RIMKLA: variants seen among roughly 807,000 people sequenced by gnomAD.
The protein encoded by RIMKLA is ribosomal modification protein rimK like family member A.
A neutral mutation model predicts 32.7 loss-of-function variants in RIMKLA; 14 were observed. That is an observed-to-expected ratio of 0.43 (90% CI 0.28 to 0.67). The LOEUF is 0.67. Among genes scored for constraint, RIMKLA ranks in the 30% least tolerant of loss-of-function variants. The probability of loss-of-function intolerance (pLI) is 0.18; values close to 1 mark genes in which losing one functional copy is unlikely to be tolerated. For synonymous variants in RIMKLA, 176 were observed against 204.1 expected (o/e 0.86, Z 1.18); for missense variants, 410 against 519.0 (o/e 0.79, Z 2.04).
chr1:42,380,965 C>G lies in RIMKLA; in HGVS notation c.31C>G (p.Arg11Gly). The G allele has an allele frequency of 6.9e-7, 1 of 1,450,490 alleles. No homozygotes were observed. Among genetic ancestry groups the G allele is most frequent in the Admixed American group, 2.5e-5 (1 of 40,252 alleles). The allele number at this position is 1,450,490 out of a possible 1,614,324, so 89.9% of individuals were successfully genotyped here. A position where few individuals can be genotyped will look rare whatever the true frequency, so the allele number is the denominator to read the frequency against. Residue 11 changes from arginine (R) to glycine (G), a missense_variant, in exon 1 of 5, where the codon CGG (arginine) becomes GGG (glycine). Transcript: ENST00000431473. ...CTCCCAGCTCTGGTTCCTGACGGAC[C>G]GGCGCATCCGCGAGGACTACCCGCA... Reference protein sequence around the residue: MCSQLWFLTDRRIREDYPQVQ... With the variant: MCSQLWFLTDGRIREDYPQVQ...
chr1:42,410,122 G>T lies in RIMKLA; in HGVS notation c.620G>T (p.Gly207Val), dbSNP rs772552409. 6.2e-7 allele frequency: 1 copy of T among 1,614,170 alleles called. No individual in the cohort carries two copies. Among genetic ancestry groups the T allele is most frequent in the Non-Finnish European group, 8.5e-7 (1 of 1,180,024 alleles). ...GACATCCGGGTGGTGGTGGTAGGGG[G>T]CCAGGTCATAGGCTCTATGCTTCGC... ...GKDIRVVVVG[G>V]QVIGSMLRCS... Residue 207 changes from glycine (G) to valine (V), a missense_variant, in exon 4 of 5, where the codon GGC (glycine) becomes GTC (valine). By Grantham distance (109) the Gly-to-Val change is moderately radical. Coordinates refer to ENST00000431473, the MANE Select transcript of RIMKLA (RefSeq NM_173642.4).
chr1:42,412,762 G>C (rs1400159996), intron 4 of RIMKLA: 3 of 336,968 alleles, frequency 8.9e-6, no homozygotes, highest in East Asian at 2.0e-4. Context: ...TGATGCTCTT[G>C]AGAGCATCAG....
chr1:42,400,290 C>A (rs1043989375), intron 2 of RIMKLA, among the ~76,000 whole-genome samples: 1 of 152,076 alleles, frequency 6.6e-6, no homozygotes, highest in African/African-American at 2.4e-5. Flanking sequence ...GAGGGTTAAT[C>A]CTGAGACTAA....
chr1:42,408,481 G>A (rs550618654), intron 3 of RIMKLA, among the ~76,000 whole-genome samples: 11 of 152,234 alleles, frequency 7.2e-5, no homozygotes, highest in Admixed American at 3.9e-4. Flanking sequence ...GTTCAATGGC[G>A]CGATCTTGGC....
At chr1:42,403,959 C>T (rs1643122158) in intron 2 of RIMKLA, among the ~76,000 whole-genome samples, 1 of 152,228 alleles carries the variant, frequency 6.6e-6, no homozygotes, top group African/African-American at 2.4e-5. Flanking sequence ...CTGTCCTCCG[C>T]TCCCTGCCAC....
At chr1:42,389,320 C>T (rs967328644) in intron 1 of RIMKLA, among the ~76,000 whole-genome samples, 5 of 152,240 alleles carry the variant, frequency 3.3e-5, no homozygotes, top group Non-Finnish European at 7.4e-5. Flanking sequence ...AGCACCTTTA[C>T]ACACCTATCA....
At position 42,409,960 on chromosome 1, in the gene RIMKLA, C is replaced by T. The variant is rs568505909; in HGVS notation, c.482-24C>T. ...AGTCCAGAGGCTTCTCTAACCCCTTCTCTTGCTCTTTTTCTTCTTAAAGGA... is the reference window on the plus strand; with the variant it reads ...AGTCCAGAGGCTTCTCTAACCCCTTTTCTTGCTCTTTTTCTTCTTAAAGGA... On this transcript the variant is annotated intron_variant, in intron 3 of 4. Coordinates refer to ENST00000431473, the MANE Select transcript of RIMKLA (RefSeq NM_173642.4). 10 of 1,596,472 alleles carry T rather than the reference C, an allele frequency of 6.3e-6. No individual in the cohort carries two copies. In the East Asian group the frequency reaches 1.6e-4, roughly 25 times the overall value.
At position 42,381,032 on chromosome 1, in the gene RIMKLA, A is replaced by T; in HGVS notation, c.98A>T (p.Gln33Leu). The T allele has an allele frequency of 1.5e-6, 2 of 1,367,554 alleles. No individual in the cohort carries two copies. The highest frequency in any genetic ancestry group is 1.9e-6 in the Non-Finnish European group (2 of 1,059,914). 84.7% of individuals were successfully genotyped at this position (1,367,554 alleles called of 1,614,324 possible). ...LRALRQRCSE[Q>L]DVRFRAVLMD... ...GCCCTCCGGCAGCGCTGCTCCGAGC[A>T]GGACGTGCGCTTCCGGGCGGTGCTT... The change falls in exon 1 of 5, where the codon CAG becomes CTG. Residue 33 changes from glutamine (Q) to leucine (L), a missense_variant. By Grantham distance (113) the Gln-to-Leu change is moderately radical. Transcript: ENST00000431473.
At chr1:42,404,482 C>T (rs764762353) in intron 2 of RIMKLA, 29 bp from the exon 3 acceptor site, 37 of 1,528,024 alleles carry the variant, frequency 2.4e-5, no homozygotes, top group East Asian at 4.5e-5. Flanking sequence ...TCAGCCTTAC[C>T]TTCACTGACT....
At position 42,420,997 on chromosome 1, in the gene RIMKLA, T is replaced by C. The variant is rs1643290829; in HGVS notation, c.*6023T>C. The C allele has an allele frequency of 6.6e-6, 1 of 152,278 alleles. No homozygotes were observed. The highest frequency in any genetic ancestry group is 2.4e-5 in the African/African-American group (1 of 41,462). 9.4% of individuals were successfully genotyped at this position (152,278 alleles called of 1,614,324 possible). A position where few individuals can be genotyped will look rare whatever the true frequency, so the allele number is the denominator to read the frequency against. On this transcript the variant is annotated 3_prime_UTR_variant, in exon 5 of 5. Transcript: ENST00000431473. ...CACAAGCATCGCCTTCTTGTGATCATGGCTCAGTGCCAAGGGATAAAAGCT... is the reference window on the plus strand; with the variant it reads ...CACAAGCATCGCCTTCTTGTGATCACGGCTCAGTGCCAAGGGATAAAAGCT...
intron 1 of RIMKLA, among the ~76,000 whole-genome samples, chr1:42,388,502 G>A (rs1642969604): frequency 6.7e-6 from 1 of 149,352 alleles, no homozygotes; most frequent in Non-Finnish European, 1.5e-5. Context: ...ACTGTGCTTG[G>A]CCCACTGAAA....
intron 1 of RIMKLA, among the ~76,000 whole-genome samples, chr1:42,393,644 C>T (rs1230423420): frequency 2.0e-5 from 3 of 151,704 alleles, no homozygotes; most frequent in Non-Finnish European, 2.9e-5. Context: ...AACTGTTTTA[C>T]GAGAAAATGC....
chr1:42,411,725 G>A (rs1290778848), intron 4 of RIMKLA, among the ~76,000 whole-genome samples: 1 of 140,944 alleles, frequency 7.1e-6, no homozygotes, highest in Non-Finnish European at 1.6e-5. Flanking sequence ...CCAGGCTGGA[G>A]TGCAGTGGCA....
At chr1:42,399,344 T>C in intron 1 of RIMKLA, 60 bp from the exon 2 acceptor site, 1 of 1,269,220 alleles carries the variant, frequency 7.9e-7, no homozygotes, top group Non-Finnish European at 1.1e-6. Flanking sequence ...GTTGGAACCA[T>C]TTCTTCTGGT....
At chr1:42,412,517 G>A in intron 4 of RIMKLA, 1 of 438,242 alleles carries the variant, frequency 2.3e-6, no homozygotes, top group Non-Finnish European at 4.5e-6. Context: ...TGATGGAATG[G>A]GAGCAGATTA....
chr1:42,402,354 G>C (rs181474563), intron 2 of RIMKLA, among the ~76,000 whole-genome samples: 1 of 152,294 alleles, frequency 6.6e-6, no homozygotes, highest in Admixed American at 6.5e-5. Context: ...ATCCAAGAGG[G>C]CCCAATGTTG....
rs377344696 is a variant in RIMKLA, at chr1:42,422,782, C to T, written c.*7808C>T. Among the ~76,000 whole-genome samples the T allele has an allele frequency of 3.3e-5, 5 of 152,232 alleles. No individual in the cohort carries two copies. Among genetic ancestry groups the T allele is most frequent in the South Asian group, 4.1e-4 (2 of 4,822 alleles). On this transcript the variant is annotated 3_prime_UTR_variant, in exon 5 of 5. Transcript: ENST00000431473. ...AATTTTCCTTTCAAACGCAGAGTGC[C>T]GTCTGAATTGTAATACTGCCAACTC... is the stretch of plus-strand genomic sequence containing the variant.
At position 42,404,637 on chromosome 1, in the gene RIMKLA, C is replaced by T. The variant is rs200124240; in HGVS notation, c.481+40C>T. The stretch of plus-strand genomic sequence containing the variant: ...TCCAGGGCTTCCTGGGTAATCAGCC[C>T]ACTAGGGCTGCTGCTCTGCCTGGAC... On this transcript the variant is annotated intron_variant, in intron 3 of 4. Transcript: ENST00000431473. The T allele has an allele frequency of 2.7e-5, 35 of 1,312,598 alleles. No homozygotes were observed. The East Asian group carries it at 3.9e-4, about 15-fold the overall frequency. 81.3% of individuals were successfully genotyped at this position (1,312,598 alleles called of 1,614,324 possible).
intron 2 of RIMKLA, among the ~76,000 whole-genome samples, chr1:42,402,725 G>A (rs1391819693): frequency 6.6e-6 from 1 of 151,888 alleles, no homozygotes; most frequent in African/African-American, 2.4e-5. Flanking sequence ...CAAGTAGCTG[G>A]GACCACAGAT....
Sources: allele counts gnomAD v4.1 joint callset (sites outside exome capture counted in the v4.1 genomes callset), GRCh38; gene constraint gnomAD v4.1.1; transcripts MANE v1.5; gene names NCBI Gene and HGNC (gene_info 2026-07-23, HGNC 2026-07-21).